SLC25A21: variants seen among roughly 807,000 people sequenced by gnomAD.
SLC25A21 encodes solute carrier family 25 member 21, also known as mitochondrial 2-oxodicarboxylate carrier.
Under a neutral mutation model 43.8 loss-of-function variants are expected in SLC25A21, and 47 were observed. The ratio of observed to expected loss-of-function variants is 1.07; its 90% confidence interval spans 0.85 to 1.37. The LOEUF is 1.37. Among genes scored for constraint, SLC25A21 ranks in the 40% most tolerant of loss-of-function variants. SLC25A21 has a pLI of 0.00. For missense variants in SLC25A21, 352 were observed against 350.2 expected (o/e 1.00, Z -0.04); for synonymous variants, 131 against 121.3 (o/e 1.08, Z -0.52).
intron 1 of SLC25A21, among the ~76,000 whole-genome samples, chr14:37,024,477 G>A (rs1366583474): frequency 6.6e-6 from 1 of 151,956 alleles, no homozygotes; most frequent in Non-Finnish European, 1.5e-5. Flanking sequence ...TCAGCAGCTT[G>A]CAAAACTAAA....
chr14:36,958,342 T>C (rs527593423), intron 1 of SLC25A21, among the ~76,000 whole-genome samples: 21 of 152,222 alleles, frequency 1.4e-4, no homozygotes, highest in Admixed American at 3.3e-4. Context: ...TTTTGTCCCA[T>C]GTAATTGGCA....
intron 7 of SLC25A21, among the ~76,000 whole-genome samples, chr14:36,707,510 T>G (rs77648346): frequency 0.01 from 1,598 of 152,264 alleles, 25 homozygotes; most frequent in African/African-American, 0.036. Context: ...GCCTAGATCA[T>G]TAAATCGGGG....
chr14:37,137,201 A>G (rs1251157181), intron 1 of SLC25A21, among the ~76,000 whole-genome samples: 4 of 151,982 alleles, frequency 2.6e-5, no homozygotes, highest in African/African-American at 9.7e-5. Context: ...GTTTCACCGC[A>G]TTAGCCAGGG....
chr14:37,150,021 G>C (rs541139837), intron 1 of SLC25A21, among the ~76,000 whole-genome samples: 2 of 151,898 alleles, frequency 1.3e-5, no homozygotes, highest in East Asian at 3.9e-4. Flanking sequence ...AGGGTTGAAG[G>C]AAAAAAATCC....
chr14:36,694,202 G>A (rs1377874020), intron 7 of SLC25A21, among the ~76,000 whole-genome samples: 3 of 152,080 alleles, frequency 2.0e-5, no homozygotes, highest in Non-Finnish European at 4.4e-5. Context: ...TCAGAATGAC[G>A]GTTTCCAGCT....
intron 1 of SLC25A21, among the ~76,000 whole-genome samples, chr14:36,897,479 G>A (rs569198467): frequency 3.3e-5 from 5 of 152,006 alleles, no homozygotes; most frequent in East Asian, 1.9e-4. Flanking sequence ...CCATGGGTTC[G>A]AACTTCCTCC....
chr14:36,885,914 T>A (rs1154118), intron 1 of SLC25A21, among the ~76,000 whole-genome samples: 16,304 of 152,216 alleles, frequency 0.11, 1,059 homozygotes, highest in South Asian at 0.2. Context: ...TCGAATTAAA[T>A]CCAAGACCCC....
intron 1 of SLC25A21, among the ~76,000 whole-genome samples, chr14:36,876,940 C>T (rs3985276): frequency 9.2e-5 from 12 of 130,694 alleles, no homozygotes; most frequent in East Asian, 5.1e-4. Context: ...TAGATAGATA[C>T]ACACACACAC....
At chr14:36,836,219 A>G (rs1889204237) in intron 2 of SLC25A21, among the ~76,000 whole-genome samples, 1 of 152,244 alleles carries the variant, frequency 6.6e-6, no homozygotes, top group African/African-American at 2.4e-5. Context: ...CTGCTGCCCA[A>G]GTGAGAACAG....
At chr14:36,877,902 C>A (rs555779466) in intron 1 of SLC25A21, among the ~76,000 whole-genome samples, 1 of 152,032 alleles carries the variant, frequency 6.6e-6, no homozygotes, top group Admixed American at 6.6e-5. Flanking sequence ...GAAGGATTTT[C>A]TTTTTTTAAT....
chr14:36,856,119 T>C (rs1167735901), intron 2 of SLC25A21, among the ~76,000 whole-genome samples: 1 of 152,018 alleles, frequency 6.6e-6, no homozygotes, highest in African/African-American at 2.4e-5. Flanking sequence ...TCCATTACAC[T>C]GGGGGAAGGG....
chr14:37,118,314 A>G (rs1963143514), intron 1 of SLC25A21, among the ~76,000 whole-genome samples: 1 of 151,994 alleles, frequency 6.6e-6, no homozygotes, highest in South Asian at 2.1e-4. Context: ...AAGCAGACTC[A>G]GCAAACAGGA....
intron 3 of SLC25A21, among the ~76,000 whole-genome samples, chr14:36,784,928 T>C (rs940284634): frequency 3.9e-5 from 6 of 152,218 alleles, no homozygotes; most frequent in Non-Finnish European, 8.8e-5. Context: ...GAGCAAAGAA[T>C]TGCAACATTA....
chr14:36,814,104 A>C, intron 2 of SLC25A21, 103 bp from the exon 3 acceptor site: 2 of 706,572 alleles, frequency 2.8e-6, no homozygotes, highest in Admixed American at 3.0e-5. Context: ...ATTAATCTAG[A>C]ATATTCTGCT....
At chr14:36,953,462 C>T (rs1364088353) in intron 1 of SLC25A21, among the ~76,000 whole-genome samples, 1 of 152,032 alleles carries the variant, frequency 6.6e-6, no homozygotes, top group African/African-American at 2.4e-5. Flanking sequence ...CAGAACAAAA[C>T]ACGATTGTGA....
intron 1 of SLC25A21, among the ~76,000 whole-genome samples, chr14:36,920,756 T>C (rs1472002504): frequency 6.6e-6 from 1 of 152,054 alleles, no homozygotes; most frequent in Non-Finnish European, 1.5e-5. Flanking sequence ...AAAAACTCTT[T>C]AAAGGAAGAC....
intron 2 of SLC25A21, among the ~76,000 whole-genome samples, chr14:36,818,940 C>T (rs1418935792): frequency 2.0e-5 from 3 of 152,180 alleles, no homozygotes; most frequent in Non-Finnish European, 4.4e-5. Flanking sequence ...CAAAGCCACA[C>T]CACTCTTGAT....
chr14:36,731,413 T>G (rs1161563138), intron 4 of SLC25A21, among the ~76,000 whole-genome samples: 1 of 152,222 alleles, frequency 6.6e-6, no homozygotes, highest in Non-Finnish European at 1.5e-5. Context: ...GCTTAACCTT[T>G]CTAACTCTCA....
intron 1 of SLC25A21, among the ~76,000 whole-genome samples, chr14:36,901,507 C>T (rs1402655587): frequency 2.0e-5 from 3 of 152,030 alleles, no homozygotes; most frequent in African/African-American, 4.8e-5. Context: ...AAATGAACTG[C>T]ATTTAAAAAT....
Sources: allele counts gnomAD v4.1 joint callset (sites outside exome capture counted in the v4.1 genomes callset), GRCh38; gene constraint gnomAD v4.1.1; transcripts MANE v1.5; gene names NCBI Gene and HGNC (gene_info 2026-07-23, HGNC 2026-07-21).